The following SND1 variants were observed in gnomAD, a reference collection of about 807,000 sequenced individuals.
The protein encoded by SND1 is staphylococcal nuclease and tudor domain containing 1.
In SND1, 38 loss-of-function variants were observed where a neutral mutation model predicts 121.7. The ratio of observed to expected loss-of-function variants is 0.31; its 90% CI spans 0.24 to 0.41. The LOEUF is 0.41. Among genes scored for constraint, SND1 ranks in the 10% least tolerant of loss-of-function variants. SND1 has a pLI of 1.00. For missense variants in SND1, 868 were observed against 1,184.6 expected (o/e 0.73, Z 3.92); for synonymous variants, 401 against 447.4 (o/e 0.90, Z 1.31).
At chr7:127,824,884 A>G (rs1435010051) in intron 11 of SND1, among the ~76,000 whole-genome samples, 1 of 152,064 alleles carries the variant, frequency 6.6e-6, no homozygotes, top group Non-Finnish European at 1.5e-5. Context: ...TCCACCTCAG[A>G]TGGTGTATTT....
intron 16 of SND1, among the ~76,000 whole-genome samples, chr7:128,017,439 G>A (rs1803249397): frequency 6.6e-6 from 1 of 152,176 alleles, no homozygotes; most frequent in African/African-American, 2.4e-5. Context: ...CCCAGTACAG[G>A]GCCACCTCTC....
At chr7:127,817,693 A>C (rs897096519) in intron 11 of SND1, among the ~76,000 whole-genome samples, 2 of 149,812 alleles carry the variant, frequency 1.3e-5, no homozygotes, top group South Asian at 2.1e-4. Context: ...GGACATGCCA[A>C]GCCATTTCAC....
intron 1 of SND1, among the ~76,000 whole-genome samples, chr7:127,652,671 G>C (rs1795142709): frequency 6.6e-6 from 1 of 152,204 alleles, no homozygotes; most frequent in African/African-American, 2.4e-5. Context: ...GGGTCACAGT[G>C]ATTTCCGAGG....
At chr7:127,736,043 A>G (rs1200138819) in intron 10 of SND1, among the ~76,000 whole-genome samples, 2 of 152,162 alleles carry the variant, frequency 1.3e-5, no homozygotes, top group East Asian at 3.8e-4. Flanking sequence ...TCCCTTTTTA[A>G]TAGAGTCTCA....
At chr7:127,995,327 T>G (rs1159191409) in intron 16 of SND1, among the ~76,000 whole-genome samples, 4 of 152,206 alleles carry the variant, frequency 2.6e-5, no homozygotes, top group Admixed American at 2.6e-4. Flanking sequence ...TCCCATTGGA[T>G]AGCATGTACT....
At chr7:127,979,798 A>G (rs1248691343) in intron 15 of SND1, among the ~76,000 whole-genome samples, 1 of 152,228 alleles carries the variant, frequency 6.6e-6, no homozygotes, top group Admixed American at 6.5e-5. Context: ...ACATGTCACA[A>G]ATATTCTTCT....
intron 12 of SND1, among the ~76,000 whole-genome samples, chr7:127,853,440 C>T (rs1799211651): frequency 6.6e-6 from 1 of 152,092 alleles, no homozygotes; most frequent in Admixed American, 6.6e-5. Context: ...TAATGCTTTC[C>T]ACCACGTTAC....
At chr7:128,001,475 A>G (rs1171603313) in intron 16 of SND1, among the ~76,000 whole-genome samples, 1 of 152,254 alleles carries the variant, frequency 6.6e-6, no homozygotes, top group African/African-American at 2.4e-5. Context: ...AGCATTGTGC[A>G]ATGCAGCCAT....
At chr7:127,792,000 A>G (rs1797917334) in intron 10 of SND1, among the ~76,000 whole-genome samples, 1 of 152,248 alleles carries the variant, frequency 6.6e-6, no homozygotes, top group Admixed American at 6.5e-5. Flanking sequence ...GAGAGTGTTC[A>G]ACAGCATATT....
intron 12 of SND1, among the ~76,000 whole-genome samples, chr7:127,865,916 T>C (rs1584628068): frequency 1.3e-5 from 1 of 77,870 alleles, no homozygotes; most frequent in Non-Finnish European, 2.2e-5. Context: ...TTATTTCTCC[T>C]TTTTTTTTTT....
chr7:128,042,312 G>C (rs1417581610), intron 16 of SND1: 2 of 152,156 alleles, frequency 1.3e-5, no homozygotes, highest in African/African-American at 4.8e-5. Context: ...AGAGCTCCTG[G>C]GGATCCCTCC....
intron 10 of SND1, among the ~76,000 whole-genome samples, chr7:127,769,710 A>T (rs184824077): frequency 2.7e-4 from 41 of 152,294 alleles, no homozygotes; most frequent in Admixed American, 2.1e-3. Context: ...ATATGTGTAT[A>T]TATATAAATG....
At chr7:127,734,970 T>C (rs897954512) in intron 10 of SND1, among the ~76,000 whole-genome samples, 1 of 152,224 alleles carries the variant, frequency 6.6e-6, no homozygotes, top group East Asian at 1.9e-4. Flanking sequence ...ATTCTTTTTG[T>C]GGAGGAAGTT....
chr7:127,659,886 A>G (rs1795277948), intron 1 of SND1, among the ~76,000 whole-genome samples: 1 of 152,176 alleles, frequency 6.6e-6, no homozygotes, highest in African/African-American at 2.4e-5. Flanking sequence ...CTGTAATTTT[A>G]TAAGAAACCC....
intron 10 of SND1, among the ~76,000 whole-genome samples, chr7:127,762,580 G>A (rs746000771): frequency 6.6e-6 from 1 of 152,168 alleles, no homozygotes; most frequent in Non-Finnish European, 1.5e-5. Context: ...TTCAACATAT[G>A]GATTTTGGAG....
chr7:128,049,261 C>T (rs1307569554), intron 16 of SND1, among the ~76,000 whole-genome samples: 1 of 152,120 alleles, frequency 6.6e-6, no homozygotes, highest in African/African-American at 2.4e-5. Flanking sequence ...GGGACTTGAT[C>T]CACTCTGTCA....
At chr7:127,964,401 A>G (rs368358352) in intron 15 of SND1, among the ~76,000 whole-genome samples, 17 of 146,042 alleles carry the variant, frequency 1.2e-4, no homozygotes, top group Admixed American at 4.8e-4. Context: ...TAACGTTTAA[A>G]TCTTTAATCC....
chr7:127,950,485 G>A (rs574836063), intron 15 of SND1, among the ~76,000 whole-genome samples: 4 of 152,286 alleles, frequency 2.6e-5, no homozygotes, highest in Non-Finnish European at 5.9e-5. Context: ...TGGCCATTTC[G>A]ATCCAGTACT....
intron 10 of SND1, among the ~76,000 whole-genome samples, chr7:127,744,655 T>C (rs1470544633): frequency 1.3e-5 from 2 of 152,230 alleles, no homozygotes; most frequent in African/African-American, 2.4e-5. Flanking sequence ...TTCCCTTTTT[T>C]GTGTTCAAAA....
Sources: allele counts gnomAD v4.1 joint callset (sites outside exome capture counted in the v4.1 genomes callset), GRCh38; gene constraint gnomAD v4.1.1; transcripts MANE v1.5; gene names NCBI Gene and HGNC (gene_info 2026-07-23, HGNC 2026-07-21).